PCDHA10: variants seen among roughly 807,000 people sequenced by gnomAD.
PCDHA10 encodes protocadherin alpha 10.
A neutral mutation model predicts 61.2 loss-of-function variants in PCDHA10; 45 were observed. The observed-to-expected ratio is 0.74, with a 90% CI of 0.58 to 0.94. The LOEUF (loss-of-function observed/expected upper bound fraction) is 0.94. PCDHA10 is among the 40% of genes least tolerant of loss of function. The probability of loss-of-function intolerance (pLI) is 0.00; values close to 1 mark genes in which losing one functional copy is unlikely to be tolerated. For missense variants in PCDHA10, 1,278 were observed against 1,236.2 expected (o/e 1.03, Z -0.51); for synonymous variants, 602 against 548.8 (o/e 1.10, Z -1.35).
At chr5:140,913,959 T>TA (rs1562996315) in intron 1 of PCDHA10, among the ~76,000 whole-genome samples, 4 of 152,166 alleles carry the variant, frequency 2.6e-5, no homozygotes, top group African/African-American at 7.2e-5. Context: ...GATATCATTT[T>TA]TAAAAAAATA....
intron 1 of PCDHA10, among the ~76,000 whole-genome samples, chr5:140,915,164 G>T (rs782783727): frequency 2.6e-5 from 4 of 152,026 alleles, no homozygotes; most frequent in Non-Finnish European, 4.4e-5. Flanking sequence ...GGCCAGGATA[G>T]TCTCGATCTC....
chr5:140,944,999 G>A (rs2093721816), intron 1 of PCDHA10, among the ~76,000 whole-genome samples: 1 of 151,896 alleles, frequency 6.6e-6, no homozygotes, highest in Non-Finnish European at 1.5e-5. Context: ...TAACGGTTGT[G>A]GGTCATGAAT....
Position 140,869,844 on chromosome 5 carries a change from T to C in PCDHA10, c.2388+11408T>C, listed in dbSNP as rs782664707. The C allele has an allele frequency of 1.3e-5, 21 of 1,611,376 alleles. No individual in the cohort carries two copies. The South Asian group carries it at 1.7e-4, about 13-fold the overall frequency. ...ATCCAGAGTTTGATAAATCAGAATA[T>C]AAGGTGAGCCTTATGGAAAATGCTG... On this transcript the variant is annotated intron_variant, in intron 1 of 3. Transcript: ENST00000307360.
intron 1 of PCDHA10, chr5:140,926,870 G>A: frequency 6.6e-7 from 1 of 1,524,514 alleles, no homozygotes; most frequent in South Asian, 1.3e-5. Context: ...CGTGTTGGTG[G>A]AACGTGGACG....
At chr5:140,921,588 T>C (rs534654717) in intron 1 of PCDHA10, among the ~76,000 whole-genome samples, 1 of 152,342 alleles carries the variant, frequency 6.6e-6, no homozygotes, top group African/African-American at 2.4e-5. Flanking sequence ...TACTATATTA[T>C]GGTTTCAAAG....
At chr5:140,859,289 A>G (rs2045796105) in intron 1 of PCDHA10, 1 of 129,084 alleles carries the variant, frequency 7.7e-6, no homozygotes, top group African/African-American at 2.7e-5. Context: ...GAGACTGAAA[A>G]TACTTTAGTA....
At chr5:140,917,498 G>A (rs1303014069) in intron 1 of PCDHA10, among the ~76,000 whole-genome samples, 2 of 152,204 alleles carry the variant, frequency 1.3e-5, no homozygotes, top group African/African-American at 4.8e-5. Context: ...TGCCCAGAAT[G>A]ATATTTTCTA....
chr5:140,917,131 G>A (rs572644426), intron 1 of PCDHA10, among the ~76,000 whole-genome samples: 28 of 152,190 alleles, frequency 1.8e-4, no homozygotes, highest in African/African-American at 5.8e-4. Context: ...GACTCCCCAC[G>A]TTGCTCAGCT....
chr5:140,857,603 C>T lies in PCDHA10; in HGVS notation c.1555C>T (p.Leu519=), dbSNP rs547758195. The T allele has an allele frequency of 1.4e-5, 22 of 1,596,384 alleles. 1 individual carries two copies. The highest frequency in any genetic ancestry group is 1.3e-4 in the South Asian group (12 of 90,484). The change falls in exon 1 of 4, where the codon CTG becomes TTG. Residue 519 remains leucine, a synonymous_variant. Transcript: ENST00000307360. ...CGCGGAGAGCGGCAAGGTGTACGCG[C>T]TGCAGCCGCTGGACCACGAGGAGCT... ...VHAESGKVYA[L]QPLDHEELEL...
At chr5:140,882,755 G>T in intron 1 of PCDHA10, 1 of 1,614,230 alleles carries the variant, frequency 6.2e-7, no homozygotes, top group Non-Finnish European at 8.5e-7. Flanking sequence ...TGCAGATATT[G>T]GAGTAAACTC....
At chr5:140,871,521 CA>C in intron 1 of PCDHA10, 1 of 1,553,236 alleles carries the variant, frequency 6.4e-7, no homozygotes, top group Non-Finnish European at 8.7e-7. Context: ...TTCCACCTAT[CA>C]GGAAGTGTAT....
At chr5:140,875,738 G>C (rs1197047985) in intron 1 of PCDHA10, 1 of 1,614,204 alleles carries the variant, frequency 6.2e-7, no homozygotes, top group Non-Finnish European at 8.5e-7. Context: ...GTGAATTCTC[G>C]GATCGACCGC....
intron 1 of PCDHA10, chr5:140,968,319 TCAC>T: frequency 6.2e-7 from 1 of 1,613,996 alleles, no homozygotes; most frequent in East Asian, 2.2e-5. Flanking sequence ...GGGCTGCCAG[TCAC>T]CTCCTATGTC....
intron 3 of PCDHA10, among the ~76,000 whole-genome samples, chr5:140,989,704 A>G (rs1011656518): frequency 9.2e-5 from 14 of 152,202 alleles, no homozygotes; most frequent in Admixed American, 9.2e-4. Context: ...TTTTATCTTC[A>G]GAGGCAGTCA....
chr5:140,870,642 C>A (rs373909591), intron 1 of PCDHA10: 2 of 1,612,746 alleles, frequency 1.2e-6, no homozygotes, highest in African/African-American at 1.3e-5. Context: ...ACGCGGAGAG[C>A]GGCAAGGTGT....
At chr5:140,941,255 C>CTTTCTTTCTTTCTTTCTT (rs782490896) in intron 1 of PCDHA10, among the ~76,000 whole-genome samples, 39 of 44,506 alleles carry the variant, frequency 8.8e-4, no homozygotes, top group Middle Eastern at 0.012. Flanking sequence ...TTCTTTCTTT[C>CTTTCTTTCTTTCTTTCTT]TCTTTCTTTC....
At chr5:140,883,402 C>G (rs2153393597) in intron 1 of PCDHA10, 1 of 1,614,192 alleles carries the variant, frequency 6.2e-7, no homozygotes, top group Middle Eastern at 1.6e-4. Context: ...CCGATCGTGA[C>G]TCTGGCTCAA....
intron 3 of PCDHA10, among the ~76,000 whole-genome samples, chr5:140,995,648 G>A (rs548703031): frequency 1.3e-5 from 2 of 152,248 alleles, no homozygotes; most frequent in South Asian, 2.1e-4. Flanking sequence ...TAGAAAAGGA[G>A]AATCGAAAAG....
chr5:140,892,468 C>T (rs1184778883), intron 1 of PCDHA10, among the ~76,000 whole-genome samples: 10 of 152,150 alleles, frequency 6.6e-5, no homozygotes, highest in Admixed American at 3.3e-4. Flanking sequence ...TACGGTTATT[C>T]AGTTTCCTAG....
Sources: gnomAD v4.1 joint callset for allele counts (sites outside exome capture counted in the v4.1 genomes callset) on GRCh38, gnomAD v4.1.1 for gene constraint, MANE v1.5 for transcripts, NCBI Gene and HGNC (gene_info 2026-07-23, HGNC 2026-07-21) for gene names.